SP3: variants seen among roughly 807,000 people sequenced by gnomAD.
SP3 encodes Sp3 transcription factor.
SP3 carries 10 observed loss-of-function variants against 70.3 expected under a neutral mutation model. That is an observed-to-expected ratio of 0.14 (90% confidence interval 0.09 to 0.24). SP3 has a LOEUF of 0.24. SP3 is among the 10% of genes least tolerant of loss of function. The pLI, the probability that SP3 is intolerant of heterozygous loss-of-function variation, is 1.00. For missense variants in SP3, 825 were observed against 914.6 expected, an observed-to-expected ratio of 0.90 and a Z score of 1.26; for synonymous variants, 402 against 333.5, an observed-to-expected ratio of 1.21 and a Z score of -2.24.
intron 5 of SP3, 135 bp downstream of exon 5, chr2:173,918,458 G>C (rs1689665450): frequency 1.2e-6 from 1 of 816,048 alleles, no homozygotes; most frequent in Non-Finnish European, 1.9e-6. Flanking sequence ...TCTAACTTCT[G>C]CCACACGCAT....
intron 4 of SP3, among the ~76,000 whole-genome samples, chr2:173,928,880 T>C (rs1199028469): frequency 1.3e-5 from 2 of 152,382 alleles, no homozygotes; most frequent in South Asian, 2.1e-4. Flanking sequence ...ATTGAACAAC[T>C]ATATTGAGCG....
intron 5 of SP3, among the ~76,000 whole-genome samples, chr2:173,917,761 G>GT (rs759355800): frequency 2.6e-5 from 4 of 151,882 alleles, no homozygotes; most frequent in Non-Finnish European, 4.4e-5. Flanking sequence ...AAAAGGGACC[G>GT]TGACTATTAA....
rs1276274845 is a variant in SP3 at position 173,904,198 on chromosome 2, GC to G, written c.*5742del. 1.3e-5 allele frequency among the ~76,000 whole-genome samples: 2 copies of G among 152,160 alleles called. No homozygotes were observed. The highest frequency in any genetic ancestry group is 2.9e-5 in the Non-Finnish European group (2 of 68,012). On this transcript the variant is annotated 3_prime_UTR_variant, in exon 7 of 7. Coordinates refer to ENST00000310015, the MANE Select transcript of SP3 (RefSeq NM_003111.5). Reference sequence around the variant, plus strand: ...ATGCTCGCTTACCTCCTGCTGTATGGCCTGGTTCCTCACAGACCAGGGACCA... The same window carrying G: ...ATGCTCGCTTACCTCCTGCTGTATGGCTGGTTCCTCACAGACCAGGGACCA...
intron 6 of SP3, among the ~76,000 whole-genome samples, chr2:173,911,986 C>CT (rs1689498472): frequency 6.6e-6 from 1 of 151,954 alleles, no homozygotes; most frequent in South Asian, 2.1e-4. Context: ...CCCGGCTATT[C>CT]TTTGTCTTTC....
At chr2:173,927,627 C>T (rs1244881033) in intron 4 of SP3, among the ~76,000 whole-genome samples, 1 of 152,116 alleles carries the variant, frequency 6.6e-6, no homozygotes, top group African/African-American at 2.4e-5. Flanking sequence ...GCATATATCA[C>T]AATATAAACT....
intron 4 of SP3, among the ~76,000 whole-genome samples, chr2:173,936,978 A>G (rs1427999643): frequency 6.6e-6 from 1 of 152,124 alleles, no homozygotes; most frequent in African/African-American, 2.4e-5. Context: ...GTGACTTACT[A>G]TATTGATTTA....
rs60102426 is a variant in SP3, at chr2:173,933,638, T to TTATATATATATATATATATA, written c.1640-14873_1640-14854dup. On this transcript the variant is annotated intron_variant, in intron 4 of 6. Coordinates refer to ENST00000310015, the MANE Select transcript of SP3 (RefSeq NM_003111.5). Reference sequence around the variant, plus strand: ...ACAAATGACTAACATTTATAAAACTTTATATATATATATATATATATATAT... The same window carrying TTATATATATATATATATATA: ...ACAAATGACTAACATTTATAAAACTTTATATATATATATATATATATATATATATATATATATATATATAT... 6.3e-3 allele frequency among the ~76,000 whole-genome samples: 545 copies of TTATATATATATATATATATA among 86,372 alleles called. 6 individuals are homozygous for TTATATATATATATATATATA. Among genetic ancestry groups the TTATATATATATATATATATA allele is most frequent in the Non-Finnish European group, 8.0e-3 (339 of 42,238 alleles). 56.7% of individuals were successfully genotyped at this position (86,372 alleles called of 152,430 possible). A position where few individuals can be genotyped will look rare whatever the true frequency, so the allele number is the denominator to read the frequency against.
chr2:173,917,248 A>T (rs7580502), intron 5 of SP3, among the ~76,000 whole-genome samples: 11,874 of 152,218 alleles, frequency 0.078, 590 homozygotes, highest in African/African-American at 0.13. Flanking sequence ...CTCTAAAATG[A>T]GTTTCAGAAA....
At position 173,956,144 on chromosome 2, in the gene SP3, G is replaced by C. The variant is rs1175224314; in HGVS notation, c.368C>G (p.Ala123Gly). 2 of 1,614,194 alleles carry C rather than the reference G, an allele frequency of 1.2e-6. No homozygotes were observed. The highest frequency in any genetic ancestry group is 1.7e-6 in the Non-Finnish European group (2 of 1,180,028). ...ACTTGGAATCTGGACTAGATTACCA[G>C]CTTCATCTTTTATAGTTGTAGGTGT... ...SATPTTIKDE[A>G]GNLVQIPSAA... is the part of the protein sequence containing the mutation. Residue 123 changes from alanine to glycine, a missense_variant, in exon 4 of 7, where the codon GCT (alanine) becomes GGT (glycine). This residue lies in a region of SP3 where 678 missense variants were observed against 651.6 expected (regional missense o/e 1.04). Transcript: ENST00000310015.
In SP3 at chr2:173,902,720, T is replaced by C. The variant is rs1293692813; in HGVS notation, c.*7221A>G. ...AAGTCCCAGAAGGTTTTGTACAGAA[T>C]GATACCATTTATATGAAGTTTCAAA... On this transcript the variant is annotated 3_prime_UTR_variant, in exon 7 of 7. Transcript: ENST00000310015. Among the ~76,000 whole-genome samples the C allele has an allele frequency of 6.6e-6, 1 of 152,220 alleles. No homozygotes were observed. Among genetic ancestry groups the C allele is most frequent in the East Asian group, 1.9e-4 (1 of 5,202 alleles).
At chr2:173,911,811 AC>A (rs1261892389) in intron 6 of SP3, among the ~76,000 whole-genome samples, 4 of 107,538 alleles carry the variant, frequency 3.7e-5, no homozygotes, top group East Asian at 2.3e-4. Flanking sequence ...TCTTTTATCT[AC>A]CTTTTTTTTT....
intron 4 of SP3, among the ~76,000 whole-genome samples, chr2:173,941,127 TAAAAAA>T (rs71021605): frequency 1.1e-5 from 1 of 93,002 alleles, no homozygotes; most frequent in East Asian, 3.2e-4. Context: ...ACAACACGAG[TAAAAAA>T]AAAAAAAAAA....
At chr2:173,938,367 G>A (rs528765073) in intron 4 of SP3, among the ~76,000 whole-genome samples, 147 of 148,914 alleles carry the variant, frequency 9.9e-4, no homozygotes, top group Non-Finnish European at 2.0e-3. Flanking sequence ...GCTGAGGCAG[G>A]AGAATCACTT....
At chr2:173,962,294 G>T (rs1403049383) in intron 3 of SP3, among the ~76,000 whole-genome samples, 3 of 152,142 alleles carry the variant, frequency 2.0e-5, no homozygotes, top group Admixed American at 2.0e-4. Flanking sequence ...ACAGTTACAA[G>T]AAAAGTTTTG....
intron 3 of SP3, among the ~76,000 whole-genome samples, chr2:173,962,545 C>G (rs1035104874): frequency 6.6e-6 from 1 of 152,056 alleles, no homozygotes; most frequent in African/African-American, 2.4e-5. Context: ...ACATGTTAAT[C>G]TGCTTATGAA....
Position 173,910,232 on chromosome 2 carries a change from T to C in SP3, c.2055A>G (p.Glu685=). 2 of 1,613,874 alleles carry C rather than the reference T, an allele frequency of 1.2e-6. No homozygotes were observed. Among genetic ancestry groups the C allele is most frequent in the Non-Finnish European group, 1.7e-6 (2 of 1,179,838 alleles). Reference sequence around the variant, plus strand: ...CACTTCTCATAAAGCGTTTTGAACATTCTGGACAAACAAATTTCTTCTCAC... The same window carrying C: ...CACTTCTCATAAAGCGTTTTGAACACTCTGGACAAACAAATTTCTTCTCAC... The part of the protein sequence containing the change: ...HTGEKKFVCP[E]CSKRFMRSDH... The change falls in exon 7 of 7, where the codon GAA becomes GAG. Residue 685 remains glutamate (E), a synonymous_variant. Coordinates refer to ENST00000310015, the MANE Select transcript of SP3 (RefSeq NM_003111.5).
At chr2:173,913,294 ACTT>A (rs770679702) in intron 5 of SP3, 28 bp from the exon 6 acceptor site, 6 of 1,405,370 alleles carry the variant, frequency 4.3e-6, no homozygotes, top group Non-Finnish European at 5.7e-6. Context: ...AATAATATAT[ACTT>A]ATATGAAAAT....
intron 3 of SP3, among the ~76,000 whole-genome samples, chr2:173,962,127 C>T (rs1392734900): frequency 6.6e-6 from 1 of 151,998 alleles, no homozygotes; most frequent in Admixed American, 6.6e-5. Flanking sequence ...TGGAAACTTC[C>T]CTACAAGTAT....
chr2:173,937,536 T>TA (rs1414729238), intron 4 of SP3, among the ~76,000 whole-genome samples: 3 of 151,916 alleles, frequency 2.0e-5, no homozygotes, highest in Non-Finnish European at 2.9e-5. Flanking sequence ...GAACCAAAAT[T>TA]AAAGTCCAAT....
Sources: gnomAD v4.1 joint callset for allele counts (sites outside exome capture counted in the v4.1 genomes callset) on GRCh38, gnomAD v4.1.1 for gene constraint, gnomAD v4.1.1 regional missense constraint, MANE v1.5 for transcripts, NCBI Gene and HGNC (gene_info 2026-07-23, HGNC 2026-07-21) for gene names.